Variants in VCAN observed in about 807,000 individuals in gnomAD.
The protein encoded by VCAN is versican core protein.
In VCAN, 44 loss-of-function variants were observed where a neutral mutation model predicts 245.5. The observed-to-expected ratio is 0.18, with a 90% confidence interval of 0.14 to 0.23. The LOEUF is 0.23. VCAN is among the 10% of genes least tolerant of loss of function. The pLI is 1.00. For missense variants in VCAN, 3,793 were observed against 4,057.9 expected (o/e 0.93, Z 1.77); for synonymous variants, 1,413 against 1,437.0 (o/e 0.98, Z 0.38).
intron 1 of VCAN, among the ~76,000 whole-genome samples, chr5:83,481,115 A>C (rs1744597424): frequency 6.6e-6 from 1 of 152,152 alleles, no homozygotes; most frequent in South Asian, 2.1e-4. Context: ...AGTGGAGCCC[A>C]GACTTTTAAA....
At chr5:83,495,850 TC>T (rs1365082271) in intron 5 of VCAN, among the ~76,000 whole-genome samples, 3 of 152,152 alleles carry the variant, frequency 2.0e-5, no homozygotes, top group Non-Finnish European at 2.9e-5. Flanking sequence ...CAAGCCAGAT[TC>T]CTTGGTGGAA....
At chr5:83,478,029 G>A (rs1477428855) in intron 1 of VCAN, among the ~76,000 whole-genome samples, 3 of 149,112 alleles carry the variant, frequency 2.0e-5, no homozygotes, top group African/African-American at 2.5e-5. Context: ...TGCAACCTCC[G>A]CCTTCCAGGT....
At chr5:83,579,513 T>C (rs890533040) in intron 13 of VCAN, among the ~76,000 whole-genome samples, 3 of 152,166 alleles carry the variant, frequency 2.0e-5, no homozygotes, top group Non-Finnish European at 2.9e-5. Flanking sequence ...TCCACCCCGC[T>C]TGGCCTCCCA....
intron 1 of VCAN, among the ~76,000 whole-genome samples, chr5:83,478,052 C>T (rs1194694158): frequency 6.6e-6 from 1 of 151,290 alleles, no homozygotes; most frequent in Non-Finnish European, 1.5e-5. Context: ...AAGCAATTCT[C>T]CTGTGTCAGC....
rs1047879878 is a variant in VCAN, at chr5:83,547,988, T to C, written c.9397T>C (p.Ser3133Pro). The C allele has an allele frequency of 6.2e-7, 1 of 1,613,606 alleles. No individual in the cohort carries two copies. The highest frequency in any genetic ancestry group is 1.3e-5 in the African/African-American group (1 of 74,922). Reference sequence around the variant, plus strand: ...TGTTTCAGATTTTGATGAATGTCACTCTAATCCCTGTCGTAATGGAGCCAC... The same window carrying C: ...TGTTTCAGATTTTGATGAATGTCACCCTAATCCCTGTCGTAATGGAGCCAC... Reference protein sequence around the residue: ...QCELDFDECHSNPCRNGATCV... With the variant: ...QCELDFDECHPNPCRNGATCV... Residue 3133 changes from serine (S) to proline (P), a missense_variant, in exon 10 of 15, where the codon TCT (serine) becomes CCT (proline). Coordinates refer to ENST00000265077, the MANE Select transcript of VCAN (RefSeq NM_004385.5).
chr5:83,511,396 T>G (rs1745651222), intron 5 of VCAN, among the ~76,000 whole-genome samples: 1 of 152,010 alleles, frequency 6.6e-6, no homozygotes, highest in Non-Finnish European at 1.5e-5. Context: ...TTCCTTTGGC[T>G]GGCTGAGTGG....
intron 5 of VCAN, among the ~76,000 whole-genome samples, chr5:83,506,888 G>A (rs1223691326): frequency 6.6e-6 from 1 of 152,134 alleles, no homozygotes; most frequent in African/African-American, 2.4e-5. Flanking sequence ...AAAGCAGAAA[G>A]CCCCTGATAA....
chr5:83,565,044 C>T (rs1429407009), intron 12 of VCAN, among the ~76,000 whole-genome samples: 1 of 152,114 alleles, frequency 6.6e-6, no homozygotes, highest in African/African-American at 2.4e-5. Flanking sequence ...AAAGTAGGCC[C>T]TTGGCAGTTA....
rs1748630685 is a variant in VCAN at position 83,580,407 on chromosome 5, C to T, written c.10164C>T (p.Ser3388=). The T allele has an allele frequency of 1.2e-5, 19 of 1,613,730 alleles. No homozygotes were observed. The highest frequency in any genetic ancestry group is 1.6e-5 in the Non-Finnish European group (19 of 1,179,928). Residue 3388 remains serine, a synonymous_variant, in exon 15 of 15, where the codon AGC becomes AGT. Coordinates refer to ENST00000265077, the MANE Select transcript of VCAN (RefSeq NM_004385.5). ...INTSKHDHRW[S]RRWQESRR ...CATCCAAACATGATCATCGTTGGAG[C>T]CGGAGGTGGCAGGAGTCGAGGCGCT...
chr5:83,525,277 C>T (rs1253751166), intron 7 of VCAN, among the ~76,000 whole-genome samples: 4 of 152,012 alleles, frequency 2.6e-5, no homozygotes, highest in African/African-American at 4.8e-5. Context: ...GAAAACTTTA[C>T]TCCTGTCTAT....
rs189323124 is a variant in VCAN, at chr5:83,527,478, C to T, written c.4003+5169C>T. 4.7e-3 allele frequency among the ~76,000 whole-genome samples: 722 copies of T among 152,296 alleles called. 4 individuals carry two copies. Among genetic ancestry groups the T allele is most frequent in the Non-Finnish European group, 6.9e-3 (467 of 68,022 alleles). On this transcript the variant is annotated intron_variant, in intron 7 of 14. Transcript: ENST00000265077. ...CCAAGTCTAGAAAAGAATTGAGTTC[C>T]TCTTCTATTAGTCAAATAAAAGGGA...
At chr5:83,527,361 C>T (rs1381925681) in intron 7 of VCAN, among the ~76,000 whole-genome samples, 1 of 152,162 alleles carries the variant, frequency 6.6e-6, no homozygotes, top group African/African-American at 2.4e-5. Flanking sequence ...TCCGTGGTTC[C>T]TTTTCCTGAG....
intron 13 of VCAN, among the ~76,000 whole-genome samples, chr5:83,576,224 G>C (rs1748470645): frequency 6.6e-6 from 1 of 151,726 alleles, no homozygotes; most frequent in African/African-American, 2.4e-5. Flanking sequence ...TAATTCCCTT[G>C]CTTTTCCCTT....
rs747402912 is a variant in VCAN, at chr5:83,537,860, G to T, written c.4857G>T (p.Trp1619Cys). ...PDDLLSTKES[W>C]VEATPRQVVE... ...ACCTGTTGTCTACCAAAGAAAGCTG[G>T]GTAGAAGCAACTCCTAGACAAGTTG... is the stretch of plus-strand genomic sequence containing the variant. The change falls in exon 8 of 15, where the codon TGG (tryptophan) becomes TGT (cysteine). Residue 1619 changes from tryptophan (W) to cysteine (C), a missense_variant. Trp to Cys is a radical substitution (Grantham distance 215, BLOSUM62 -2). Around this residue, in one of 5 missense-constraint regions of VCAN, gnomAD observed 3,182 missense variants for 3,250.3 expected, o/e 0.98. Coordinates refer to ENST00000265077, the MANE Select transcript of VCAN (RefSeq NM_004385.5). 3.1e-6 allele frequency: 5 copies of T among 1,613,922 alleles called. No homozygotes were observed. The highest frequency in any genetic ancestry group is 4.2e-6 in the Non-Finnish European group (5 of 1,179,934).
In VCAN at chr5:83,521,168, TGTTA is replaced by T; in HGVS notation, c.2867_2870del (p.Ser956IlefsTer11). The T allele has an allele frequency of 6.2e-7, 1 of 1,613,666 alleles. No individual in the cohort carries two copies. Among genetic ancestry groups the T allele is most frequent in the Non-Finnish European group, 8.5e-7 (1 of 1,179,688 alleles). On this transcript the variant is annotated frameshift_variant, in exon 7 of 15. Coordinates refer to ENST00000265077, the MANE Select transcript of VCAN (RefSeq NM_004385.5). LOFTEE classifies it high-confidence loss of function. ...CTTCAGAGGTGGAAGGATTAGCATTTGTTAGTTATAGTAGCACCCAAGAGCCTAC... is the reference window on the plus strand; with the variant it reads ...CTTCAGAGGTGGAAGGATTAGCATTTGTTATAGTAGCACCCAAGAGCCTAC...
At chr5:83,511,602 C>A (rs1412457133) in intron 5 of VCAN, among the ~76,000 whole-genome samples, 2 of 150,966 alleles carry the variant, frequency 1.3e-5, no homozygotes, top group African/African-American at 4.9e-5. Context: ...TGGCGTTAAT[C>A]CACTTTGTCG....
At chr5:83,547,573 G>A (rs1747278951) in intron 9 of VCAN, among the ~76,000 whole-genome samples, 1 of 152,156 alleles carries the variant, frequency 6.6e-6, no homozygotes, top group African/African-American at 2.4e-5. Context: ...TAGTCCATGT[G>A]TGAGGTAATC....
intron 2 of VCAN, among the ~76,000 whole-genome samples, chr5:83,487,515 C>T (rs1744834997): frequency 6.6e-6 from 1 of 152,146 alleles, no homozygotes; most frequent in African/African-American, 2.4e-5. Context: ...AAACATTATA[C>T]TCTGAACTAC....
chr5:83,577,636 G>T (rs1010599688), intron 13 of VCAN, among the ~76,000 whole-genome samples: 1 of 152,070 alleles, frequency 6.6e-6, no homozygotes, highest in African/African-American at 2.4e-5. Flanking sequence ...AAGTCATAAA[G>T]ATATTCTATA....
Sources: allele counts gnomAD v4.1 joint callset (sites outside exome capture counted in the v4.1 genomes callset), GRCh38; gene constraint gnomAD v4.1.1; regional missense constraint gnomAD v4.1.1; transcripts MANE v1.5; gene names NCBI Gene and HGNC (gene_info 2026-07-23, HGNC 2026-07-21).